TNRC6B: variants seen among roughly 807,000 people sequenced by gnomAD.
The protein encoded by TNRC6B is trinucleotide repeat containing adaptor 6B, also known as trinucleotide repeat-containing gene 6B protein.
TNRC6B carries 52 observed loss-of-function variants against 203.6 expected under a neutral mutation model. The ratio of observed to expected loss-of-function variants is 0.26; its 90% CI spans 0.20 to 0.32. The LOEUF (loss-of-function observed/expected upper bound fraction) is 0.32, where lower values mean the gene tolerates loss of function less well. Ranked by LOEUF, TNRC6B falls within the 10% of genes least tolerant of loss-of-function variation. TNRC6B has a pLI of 1.00. For synonymous variants in TNRC6B, 838 were observed against 845.7 expected, an observed-to-expected ratio of 0.99 and a Z score of 0.16; for missense variants, 1,923 against 2,286.2, an observed-to-expected ratio of 0.84 and a Z score of 3.24.
Position 40,210,473 on chromosome 22 carries a change from G to T in TNRC6B, c.5+32333G>T, listed in dbSNP as rs373015180. ...TTGGACAGTCTTTTTCTTAAAATTG[G>T]TAAGGGAGTTTGTATATCAGTTTCT... On this transcript the variant is annotated intron_variant, in intron 1 of 22. Coordinates refer to ENST00000454349, the MANE Select transcript of TNRC6B (RefSeq NM_001162501.2). Among the ~76,000 whole-genome samples, 242 of 152,302 alleles carry T rather than the reference G, an allele frequency of 1.6e-3. 7 individuals carry two copies. In the South Asian group the frequency reaches 0.048, roughly 30 times the overall value.
At position 40,265,067 on chromosome 22, in the gene TNRC6B, T is replaced by C. The variant is rs756678172; in HGVS notation, c.837T>C (p.Asn279=). The C allele has an allele frequency of 3.1e-6, 5 of 1,613,942 alleles. No homozygotes were observed. The highest frequency in any genetic ancestry group is 4.2e-6 in the Non-Finnish European group (5 of 1,179,876). Residue 279 remains asparagine (N), a synonymous_variant, in exon 5 of 23, where the codon AAT becomes AAC. Coordinates refer to ENST00000454349, the MANE Select transcript of TNRC6B (RefSeq NM_001162501.2). ...CCAACTCTACTACAGAGAACAACAATGGACTAGGAAATTGGAGGAATGTGA... is the reference window on the plus strand; with the variant it reads ...CCAACTCTACTACAGAGAACAACAACGGACTAGGAAATTGGAGGAATGTGA... ...QSSNSTTENN[N]GLGNWRNVSG...
rs533283056 is a variant in TNRC6B at position 40,093,382 on chromosome 22, C to T, written c.-120-23673C>T. ...TCAAAGTTCTAGGAGAATAGAAGCA[C>T]TGGGGGAGAGGCAGTATTTGAAGAC... On this transcript the variant is annotated intron_variant, in intron 1 of 23. Transcript: ENST00000301923. 9.2e-5 allele frequency among the ~76,000 whole-genome samples: 14 copies of T among 152,258 alleles called. No homozygotes were observed. The South Asian group carries it at 2.9e-3, about 32-fold the overall frequency.
Position 40,211,041 on chromosome 22 carries a change from C to G in TNRC6B, c.5+32901C>G, listed in dbSNP as rs369771973. Reference sequence around the variant, plus strand: ...TGTCTTACACTCTTCTTTTTCACTTCCCTCCCACATTTAGTCAGTTACCAG... The same window carrying G: ...TGTCTTACACTCTTCTTTTTCACTTGCCTCCCACATTTAGTCAGTTACCAG... On this transcript the variant is annotated intron_variant, in intron 1 of 22. Coordinates refer to ENST00000454349, the MANE Select transcript of TNRC6B (RefSeq NM_001162501.2). Among the ~76,000 whole-genome samples the G allele has an allele frequency of 1.1e-4, 17 of 152,288 alleles. No homozygotes were observed. The South Asian group carries it at 3.3e-3, about 30-fold the overall frequency.
chr22:40,076,562 A>G (rs1601801246), intron 1 of TNRC6B, among the ~76,000 whole-genome samples: 1 of 151,968 alleles, frequency 6.6e-6, no homozygotes, highest in African/African-American at 2.4e-5. Flanking sequence ...AAAGATCCCT[A>G]TCTTGTATTG....
At chr22:40,228,955 G>A (rs907114875) in intron 1 of TNRC6B, among the ~76,000 whole-genome samples, 7 of 152,114 alleles carry the variant, frequency 4.6e-5, no homozygotes, top group African/African-American at 1.7e-4. Flanking sequence ...GAGGTGTGAG[G>A]TGATGTTAAA....
rs1303576446 is a variant in TNRC6B, at chr22:40,273,536, C to T, written c.3077C>T (p.Ser1026Phe). Residue 1026 changes from serine to phenylalanine, a missense_variant, in exon 7 of 23, where the codon TCT becomes TTT. Ser to Phe is a radical substitution (Grantham distance 155). Transcript: ENST00000454349. ...GGAGGAGTCTGGAACACCACTGGCTCTCAGGGCAGTGCTTCCTCCCACAAC... is the reference window on the plus strand; with the variant it reads ...GGAGGAGTCTGGAACACCACTGGCTTTCAGGGCAGTGCTTCCTCCCACAAC... ...EDGGVWNTTGSQGSASSHNSA... is the reference protein window; with the variant it reads ...EDGGVWNTTGFQGSASSHNSA... 1 of 1,595,142 alleles carries T rather than the reference C, an allele frequency of 6.3e-7. No individual in the cohort carries two copies. Among genetic ancestry groups the T allele is most frequent in the Non-Finnish European group, 8.5e-7 (1 of 1,170,556 alleles).
rs2071450843 is a variant in TNRC6B, at chr22:40,330,262, C to T, written c.*7021C>T. On this transcript the variant is annotated 3_prime_UTR_variant, in exon 23 of 23. Coordinates refer to ENST00000454349, the MANE Select transcript of TNRC6B (RefSeq NM_001162501.2). Reference sequence around the variant, plus strand: ...CTGCAAAAGAAAGTTGTCAAGGTGGCTTATGATGCTGTTGTAGCAGAGCTG... The same window carrying T: ...CTGCAAAAGAAAGTTGTCAAGGTGGTTTATGATGCTGTTGTAGCAGAGCTG... 1 of 152,112 alleles carries T rather than the reference C, an allele frequency of 6.6e-6. No individual in the cohort carries two copies. Among genetic ancestry groups the T allele is most frequent in the Non-Finnish European group, 1.5e-5 (1 of 68,032 alleles). The allele number at this position is 152,112 out of a possible 1,614,324, so 9.4% of individuals were successfully genotyped here. A position where few individuals can be genotyped will look rare whatever the true frequency, so the allele number is the denominator to read the frequency against.
chr22:40,149,251 G>A (rs1222064403), intron 3 of TNRC6B, among the ~76,000 whole-genome samples: 2 of 152,146 alleles, frequency 1.3e-5, no homozygotes, highest in African/African-American at 4.8e-5. Flanking sequence ...AGTAAAAGAA[G>A]CCAGACAGAA....
At chr22:40,211,544 C>G (rs944839189) in intron 1 of TNRC6B, among the ~76,000 whole-genome samples, 4 of 152,160 alleles carry the variant, frequency 2.6e-5, no homozygotes, top group Non-Finnish European at 5.9e-5. Context: ...CTGTGGCTCT[C>G]TGGGTTGTAA....
chr22:40,314,093 G>C (rs1405410706), intron 19 of TNRC6B, among the ~76,000 whole-genome samples: 5 of 152,126 alleles, frequency 3.3e-5, no homozygotes, highest in Admixed American at 2.6e-4. Flanking sequence ...ATCTCAGATT[G>C]AACTATGTGT....
intron 1 of TNRC6B, among the ~76,000 whole-genome samples, chr22:40,077,984 A>G (rs142998155): frequency 2.6e-5 from 4 of 152,334 alleles, no homozygotes; most frequent in East Asian, 1.9e-4. Flanking sequence ...ATTAGTGTCA[A>G]CAACATTGCA....
intron 1 of TNRC6B, among the ~76,000 whole-genome samples, chr22:40,063,333 AC>A (rs1338056143): frequency 6.6e-6 from 1 of 152,158 alleles, no homozygotes; most frequent in African/African-American, 2.4e-5. Context: ...GTTTTGTATT[AC>A]GTTTTGAGAT....
intron 3 of TNRC6B, among the ~76,000 whole-genome samples, chr22:40,129,421 G>A (rs1055630705): frequency 2.6e-5 from 4 of 152,178 alleles, no homozygotes; most frequent in African/African-American, 7.2e-5. Context: ...GCAGCTGTTC[G>A]GGTAGGACTA....
chr22:40,288,104 C>CA (rs1435729012), intron 12 of TNRC6B, among the ~76,000 whole-genome samples: 1 of 152,252 alleles, frequency 6.6e-6, no homozygotes, highest in Non-Finnish European at 1.5e-5. Context: ...CAAATGCACA[C>CA]ACACTGTCTT....
At chr22:40,218,324 CTTTTTT>C (rs71199275) in intron 1 of TNRC6B, among the ~76,000 whole-genome samples, 1 of 97,460 alleles carries the variant, frequency 1.0e-5, no homozygotes, top group Non-Finnish European at 2.0e-5. Context: ...TTTTTCTTTT[CTTTTTT>C]TTTTTTTTTT....
At chr22:40,208,111 C>CAAAAAAAAA (rs905832467) in intron 1 of TNRC6B, among the ~76,000 whole-genome samples, 16 of 74,776 alleles carry the variant, frequency 2.1e-4, no homozygotes, top group East Asian at 7.2e-4. Flanking sequence ...GACTCCATCT[C>CAAAAAAAAA]AAAAAAAAAA....
intron 1 of TNRC6B, among the ~76,000 whole-genome samples, chr22:40,102,504 A>G (rs1435023809): frequency 6.6e-6 from 1 of 152,214 alleles, no homozygotes; most frequent in Non-Finnish European, 1.5e-5. Context: ...ACATGTGTGG[A>G]TGAGATTTTA....
chr22:40,167,692 T>A (rs1601854356), intron 4 of TNRC6B, among the ~76,000 whole-genome samples: 1 of 110,598 alleles, frequency 9.0e-6, no homozygotes, highest in East Asian at 2.5e-4. Context: ...CAGCATAGAT[T>A]CCCATCGCTA....
At chr22:40,085,838 T>TTTGTTGTTGCTG (rs1555977480) in intron 1 of TNRC6B, among the ~76,000 whole-genome samples, 6 of 143,404 alleles carry the variant, frequency 4.2e-5, no homozygotes, top group African/African-American at 1.4e-4. Flanking sequence ...AGAAACTATT[T>TTTGTTGTTGCTG]TTGTTGTTGC....
Sources: gnomAD v4.1 joint callset for allele counts (sites outside exome capture counted in the v4.1 genomes callset) on GRCh38, gnomAD v4.1.1 for gene constraint, MANE v1.5 for transcripts, NCBI Gene and HGNC (gene_info 2026-07-23, HGNC 2026-07-21) for gene names.